Variants in GABBR2 observed in about 807,000 individuals in gnomAD.
GABBR2 encodes gamma-aminobutyric acid type B receptor subunit 2.
In GABBR2, 23 loss-of-function variants were observed where a neutral mutation model predicts 105.6. The ratio of observed to expected loss-of-function variants is 0.22; its 90% confidence interval spans 0.16 to 0.31. The LOEUF is 0.31. Ranked by LOEUF, GABBR2 falls within the 10% of genes least tolerant of loss-of-function variation. GABBR2 has a pLI of 1.00. For synonymous variants in GABBR2, 478 were observed against 499.7 expected, an observed-to-expected ratio of 0.96 and a Z score of 0.58; for missense variants, 734 against 1,245.5, an observed-to-expected ratio of 0.59 and a Z score of 6.18.
At chr9:98,440,481 C>A (rs1480986951) in intron 7 of GABBR2, among the ~76,000 whole-genome samples, 2 of 152,140 alleles carry the variant, frequency 1.3e-5, no homozygotes, top group African/African-American at 4.8e-5. Flanking sequence ...AAGGTGGACA[C>A]CCCCTTCCAG....
At position 98,615,933 on chromosome 9, in the gene GABBR2, T is replaced by C. The variant is rs564599766; in HGVS notation, c.322-37861A>G. ...TGAGCTTGTGCAAGTTTGCACCTGT[T>C]TGTGCCTCAACTGCTTAGTGCTAAT... On this transcript the variant is annotated intron_variant, in intron 1 of 18. Coordinates refer to ENST00000259455, the MANE Select transcript of GABBR2 (RefSeq NM_005458.8). Among the ~76,000 whole-genome samples, 75 of 152,364 alleles carry C rather than the reference T, an allele frequency of 4.9e-4. No individual in the cohort carries two copies. In the Middle Eastern group the frequency reaches 0.01, roughly 21 times the overall value.
chr9:98,553,513 G>C (rs1828529328), intron 2 of GABBR2, among the ~76,000 whole-genome samples: 1 of 152,094 alleles, frequency 6.6e-6, no homozygotes, highest in Non-Finnish European at 1.5e-5. Context: ...AATCAACTGA[G>C]TCTGAGACAT....
chr9:98,360,396 AAAG>A (rs1366477273), intron 13 of GABBR2, among the ~76,000 whole-genome samples: 2 of 152,178 alleles, frequency 1.3e-5, no homozygotes, highest in Admixed American at 6.5e-5. Context: ...CCCTAAAATA[AAAG>A]AAGAAAAGTA....
intron 1 of GABBR2, among the ~76,000 whole-genome samples, chr9:98,604,331 G>A (rs1292842014): frequency 1.3e-5 from 2 of 152,198 alleles, no homozygotes; most frequent in African/African-American, 4.8e-5. Flanking sequence ...TGCAGGACAG[G>A]ACATCCATGC....
chr9:98,648,116 T>TGTGTATAGATAGATAG, intron 1 of GABBR2, among the ~76,000 whole-genome samples: 3,333 of 55,754 alleles, frequency 0.06, 167 homozygotes, highest in Non-Finnish European at 0.084. Flanking sequence ...TGTGTGTGTG[T>TGTGTATAGATAGATAG]ATAGATAGAT....
At chr9:98,566,450 C>T (rs914608371) in intron 2 of GABBR2, among the ~76,000 whole-genome samples, 2 of 151,924 alleles carry the variant, frequency 1.3e-5, no homozygotes, top group African/African-American at 2.4e-5. Context: ...CCGAGGCGGG[C>T]GGATCATGAG....
chr9:98,668,901 G>A (rs1220467616), intron 1 of GABBR2, among the ~76,000 whole-genome samples: 2 of 151,980 alleles, frequency 1.3e-5, no homozygotes, highest in South Asian at 2.1e-4. Flanking sequence ...GTGTGTGTGT[G>A]TGTGTGTGTG....
chr9:98,496,711 G>A (rs1185354258), intron 3 of GABBR2, among the ~76,000 whole-genome samples, 197 bp from the exon 4 acceptor site: 1 of 152,310 alleles, frequency 6.6e-6, no homozygotes, highest in East Asian at 1.9e-4. Flanking sequence ...CCCTGCAACT[G>A]ACACATGGAT....
At chr9:98,429,489 T>G (rs1233403728) in intron 7 of GABBR2, among the ~76,000 whole-genome samples, 1 of 152,198 alleles carries the variant, frequency 6.6e-6, no homozygotes, top group East Asian at 1.9e-4. Context: ...TTTAGATTTC[T>G]GACTTCTATG....
intron 7 of GABBR2, among the ~76,000 whole-genome samples, chr9:98,410,458 G>A (rs925131042): frequency 4.0e-5 from 6 of 151,774 alleles, no homozygotes; most frequent in Admixed American, 3.3e-4. Context: ...TTAGGGAAGC[G>A]GTCATGGGAG....
intron 11 of GABBR2, among the ~76,000 whole-genome samples, chr9:98,379,905 G>A (rs1237198295): frequency 6.6e-6 from 1 of 151,454 alleles, no homozygotes; most frequent in Non-Finnish European, 1.5e-5. Flanking sequence ...AAAAAAATCT[G>A]AGACAAAAAT....
intron 12 of GABBR2, among the ~76,000 whole-genome samples, chr9:98,364,589 C>T (rs1443961754): frequency 2.9e-5 from 4 of 139,082 alleles, no homozygotes; most frequent in Non-Finnish European, 3.1e-5. Flanking sequence ...AGTATGAAGT[C>T]TGAGGAAGTG....
chr9:98,535,293 G>A (rs1828153093), intron 3 of GABBR2, among the ~76,000 whole-genome samples: 3 of 151,942 alleles, frequency 2.0e-5, no homozygotes, highest in African/African-American at 7.3e-5. Flanking sequence ...TAGAGACAGG[G>A]TTTCACCATG....
intron 1 of GABBR2, among the ~76,000 whole-genome samples, chr9:98,649,513 A>G (rs1356576046): frequency 6.6e-6 from 1 of 152,124 alleles, no homozygotes; most frequent in African/African-American, 2.4e-5. Context: ...AACACTCAAC[A>G]ATGTCTTCAT....
At chr9:98,310,043 G>T (rs1311736849) in intron 14 of GABBR2, among the ~76,000 whole-genome samples, 1 of 152,176 alleles carries the variant, frequency 6.6e-6, no homozygotes, top group East Asian at 1.9e-4. Flanking sequence ...AAACGGGGGT[G>T]AATGGTGACT....
At chr9:98,484,445 C>T (rs950014089) in intron 4 of GABBR2, among the ~76,000 whole-genome samples, 1 of 152,154 alleles carries the variant, frequency 6.6e-6, no homozygotes, top group Admixed American at 6.5e-5. Flanking sequence ...GTCATGCCTG[C>T]TGCAGGAAGC....
intron 12 of GABBR2, 143 bp downstream of exon 12, chr9:98,371,321 T>C: frequency 4.9e-6 from 3 of 612,838 alleles, no homozygotes; most frequent in Non-Finnish European, 9.0e-6. Flanking sequence ...ATTTCCCCAG[T>C]AGGGTGAAGG....
At chr9:98,339,745 T>A (rs139162522) in intron 13 of GABBR2, among the ~76,000 whole-genome samples, 26 of 152,334 alleles carry the variant, frequency 1.7e-4, no homozygotes, top group Non-Finnish European at 3.4e-4. Context: ...CTTTTTCAGA[T>A]GTTGAGGATA....
intron 1 of GABBR2, among the ~76,000 whole-genome samples, chr9:98,664,928 C>T (rs4743255): frequency 0.81 from 123,564 of 151,868 alleles, 50,359 homozygotes; most frequent in Middle Eastern, 0.91. Flanking sequence ...GAGTTTGAGA[C>T]CAGACTGGGC....
Sources: gnomAD v4.1 joint callset for allele counts (sites outside exome capture counted in the v4.1 genomes callset) on GRCh38, gnomAD v4.1.1 for gene constraint, MANE v1.5 for transcripts, NCBI Gene and HGNC (gene_info 2026-07-23, HGNC 2026-07-21) for gene names.